KRIT1: variants seen among roughly 807,000 people sequenced by gnomAD.
KRIT1 encodes the protein KRIT1 ankyrin repeat containing.
Under a neutral mutation model 95.8 loss-of-function variants are expected in KRIT1, and 45 were observed. That is an observed-to-expected ratio of 0.47 (90% CI 0.37 to 0.60). The LOEUF (loss-of-function observed/expected upper bound fraction) is 0.60, where lower values mean the gene tolerates loss of function less well. KRIT1 is among the 20% of genes least tolerant of loss of function. The pLI, the probability that KRIT1 is intolerant of heterozygous loss-of-function variation, is 0.00. For synonymous variants in KRIT1, 282 were observed against 278.8 expected (o/e 1.01, Z -0.11); for missense variants, 788 against 877.5 (o/e 0.90, Z 1.29).
rs1795249129 is a variant in KRIT1, at chr7:92,222,039, G to A, written c.1426C>T (p.Pro476Ser). The A allele has an allele frequency of 6.2e-7, 1 of 1,613,284 alleles. No homozygotes were observed. The stretch of plus-strand genomic sequence containing the variant: ...ACATGTTGCAAGGGTTTATGATATG[G>A]TTTGAGTTGAAGGCCTGAAAAACAT... The part of the protein sequence containing the change: ...CSENLSLQLK[P>S]YHKPLQHVRD... Residue 476 changes from proline to serine, a missense_variant, in exon 14 of 19, where the codon CCA (proline) becomes TCA (serine). Physicochemically the swap from Pro to Ser is moderately conservative, Grantham distance 74. Around this residue, in one of 3 missense-constraint regions of KRIT1, gnomAD observed 493 missense variants for 582.3 expected, o/e 0.85. Transcript: ENST00000394505.
intron 17 of KRIT1, among the ~76,000 whole-genome samples, chr7:92,208,594 C>A (rs771054404): frequency 6.6e-5 from 10 of 151,896 alleles, no homozygotes; most frequent in Non-Finnish European, 1.0e-4. Context: ...GATAGGCTAA[C>A]AAATTGGAAA....
At chr7:92,222,119 T>G (rs2131439007) in intron 13 of KRIT1, 66 bp from the exon 14 acceptor site, 1 of 1,244,708 alleles carries the variant, frequency 8.0e-7, no homozygotes, top group Non-Finnish European at 1.2e-6. Flanking sequence ...GCATAGAAAC[T>G]TTGTATTAAA....
intron 10 of KRIT1, among the ~76,000 whole-genome samples, chr7:92,227,767 A>T (rs1425185249): frequency 1.3e-5 from 2 of 151,840 alleles, no homozygotes; most frequent in Non-Finnish European, 2.9e-5. Context: ...TAATCCCAAC[A>T]CTTTGGGAGG....
Position 92,199,928 on chromosome 7 carries a change from T to G in KRIT1, c.*808A>C, listed in dbSNP as rs1789805383. On this transcript the variant is annotated 3_prime_UTR_variant, in exon 19 of 19. Transcript: ENST00000394505. ...TTGAGAAACACTACTGTATATCAGA[T>G]TTACATTTTAACTAAGACTTTTAAA... 6.6e-6 allele frequency: 1 copy of G among 152,252 alleles called. No homozygotes were observed. Among genetic ancestry groups the G allele is most frequent in the Non-Finnish European group, 1.5e-5 (1 of 68,034 alleles). The allele number at this position is 152,252 out of a possible 1,614,324, so 9.4% of individuals were successfully genotyped here.
At chr7:92,245,387 T>A (rs574035425) in intron 1 of KRIT1, 1 of 151,928 alleles carries the variant, frequency 6.6e-6, no homozygotes, top group African/African-American at 2.4e-5. Context: ...AAAGTGGCTA[T>A]GGTTTCTCTG....
Position 92,201,420 on chromosome 7 carries a change from A to G in KRIT1, c.2029T>C (p.Leu677=), listed in dbSNP as rs1790106087. The change falls in exon 18 of 19, where the codon TTA becomes CTA. Residue 677 remains leucine (L), a synonymous_variant. Coordinates refer to ENST00000394505, the MANE Select transcript of KRIT1 (RefSeq NM_194454.3). Reference sequence around the variant, plus strand: ...CAACCATACTTAAGACTGATGAGTAAAGCCTGCAACATAATTGGAAACAAC... The same window carrying G: ...CAACCATACTTAAGACTGATGAGTAGAGCCTGCAACATAATTGGAAACAAC... The part of the protein sequence containing the change: ...LHLLNMETKA[L]LISLKYGCFM... 2.1e-6 allele frequency: 3 copies of G among 1,441,288 alleles called. No homozygotes were observed. Among genetic ancestry groups the G allele is most frequent in the Admixed American group, 1.7e-5 (1 of 59,774 alleles). 89.3% of individuals were successfully genotyped at this position (1,441,288 alleles called of 1,614,324 possible).
At chr7:92,229,120 T>C (rs1431928675) in intron 10 of KRIT1, among the ~76,000 whole-genome samples, 1 of 152,218 alleles carries the variant, frequency 6.6e-6, no homozygotes, top group Non-Finnish European at 1.5e-5. Context: ...ATGGGATTGC[T>C]AGGTCAAATG....
chr7:92,228,622 T>C (rs917564107), intron 10 of KRIT1, among the ~76,000 whole-genome samples: 5 of 152,282 alleles, frequency 3.3e-5, no homozygotes, highest in East Asian at 1.9e-4. Context: ...CTGGGGTACA[T>C]GTGCGGGTTT....
At chr7:92,220,554 G>A (rs1584861285) in intron 14 of KRIT1, among the ~76,000 whole-genome samples, 2 of 152,046 alleles carry the variant, frequency 1.3e-5, no homozygotes, top group African/African-American at 4.8e-5. Flanking sequence ...AATATTCCCT[G>A]AGAATAAAGA....
At chr7:92,217,349 T>C (rs1027090458) in intron 14 of KRIT1, among the ~76,000 whole-genome samples, 1 of 152,238 alleles carries the variant, frequency 6.6e-6, no homozygotes, top group African/African-American at 2.4e-5. Context: ...CACAACATTG[T>C]GCTACCATCA....
At chr7:92,240,087 T>C (rs774817925) in intron 5 of KRIT1, among the ~76,000 whole-genome samples, 5 of 152,038 alleles carry the variant, frequency 3.3e-5, no homozygotes, top group Admixed American at 6.6e-5. Flanking sequence ...CAGGCTCTAT[T>C]AGGGGAAGAA....
At chr7:92,235,768 A>C (rs1226842895) in intron 7 of KRIT1, 122 bp from the exon 8 acceptor site, 1 of 904,936 alleles carries the variant, frequency 1.1e-6, no homozygotes, top group East Asian at 2.7e-5. Flanking sequence ...TATAATTTTA[A>C]TTTAGTGTTA....
intron 14 of KRIT1, among the ~76,000 whole-genome samples, chr7:92,215,138 C>A (rs149100979): frequency 6.6e-6 from 1 of 151,568 alleles, no homozygotes; most frequent in East Asian, 1.9e-4. Context: ...AATCAAAAAA[C>A]GTAAAAAAAA....
At chr7:92,205,074 C>T (rs966031860) in intron 17 of KRIT1, among the ~76,000 whole-genome samples, 1 of 152,118 alleles carries the variant, frequency 6.6e-6, no homozygotes, top group Non-Finnish European at 1.5e-5. Context: ...GGGGCGAGCA[C>T]GGTGGCTCAT....
chr7:92,245,493 T>C (rs1800746668), intron 1 of KRIT1: 1 of 150,744 alleles, frequency 6.6e-6, no homozygotes, highest in Non-Finnish European at 1.5e-5. Flanking sequence ...GAGTCGAACT[T>C]GCTCCTCCTG....
At chr7:92,225,105 A>C (rs1168904833) in intron 12 of KRIT1, among the ~76,000 whole-genome samples, 1 of 152,052 alleles carries the variant, frequency 6.6e-6, no homozygotes, top group Non-Finnish European at 1.5e-5. Context: ...GTGAGCTGAG[A>C]TCGCGCCATT....
intron 8 of KRIT1, 115 bp downstream of exon 8, chr7:92,235,288 C>A: frequency 9.2e-7 from 1 of 1,084,164 alleles, no homozygotes; most frequent in East Asian, 2.5e-5. Context: ...GCGTGAGCCA[C>A]TGTACCAGGC....
downstream of KRIT1, chr7:92,199,268 AACTTT>A (rs1437581835): frequency 6.6e-6 from 1 of 152,222 alleles, no homozygotes; most frequent in Non-Finnish European, 1.5e-5. Context: ...CTTTCTTGTT[AACTTT>A]ACTTAACCAT....
At chr7:92,226,788 A>T in intron 10 of KRIT1, 106 bp from the exon 11 acceptor site, 1 of 968,126 alleles carries the variant, frequency 1.0e-6, no homozygotes, top group Non-Finnish European at 1.6e-6. Context: ...TATCTCAAAG[A>T]AATCTAAGAA....
Sources: gnomAD v4.1 joint callset for allele counts (sites outside exome capture counted in the v4.1 genomes callset) on GRCh38, gnomAD v4.1.1 for gene constraint, gnomAD v4.1.1 regional missense constraint, MANE v1.5 for transcripts, NCBI Gene and HGNC (gene_info 2026-07-23, HGNC 2026-07-21) for gene names.